CLVS1: variants seen among roughly 807,000 people sequenced by gnomAD.
The protein encoded by CLVS1 is clavesin-1.
In CLVS1, 10 loss-of-function variants were observed where a neutral mutation model predicts 33.1. The ratio of observed to expected loss-of-function variants is 0.30; its 90% CI spans 0.19 to 0.51. CLVS1 has a LOEUF of 0.51. Ranked by LOEUF, CLVS1 falls within the 20% of genes least tolerant of loss-of-function variation. The probability of loss-of-function intolerance (pLI) is 0.97; values close to 1 mark genes in which losing one functional copy is unlikely to be tolerated. For missense variants in CLVS1, 343 were observed against 433.4 expected, an observed-to-expected ratio of 0.79 and a Z score of 1.85; for synonymous variants, 163 against 166.1, an observed-to-expected ratio of 0.98 and a Z score of 0.14.
chr8:61,064,928 C>T (rs574219475), intron 1 of CLVS1, among the ~76,000 whole-genome samples: 22 of 152,352 alleles, frequency 1.4e-4, no homozygotes, highest in Admixed American at 3.3e-4. Flanking sequence ...GTCTCGAACT[C>T]CTGACCTCAG....
In CLVS1 at chr8:61,218,869, G is replaced by A. The variant is rs768287181; in HGVS notation, c.-151-80808G>A. Among the ~76,000 whole-genome samples, 129 of 152,002 alleles carry A rather than the reference G, an allele frequency of 8.5e-4. 6 individuals are homozygous for A. The highest frequency in any genetic ancestry group is 2.1e-3 in the South Asian group (10 of 4,814). ...TGAGGCAGGATAACCGCTTGAACCC[G>A]GGAGGTGGAGGCTGTAGTGAGCTGA... is the stretch of plus-strand genomic sequence containing the variant. On this transcript the variant is annotated intron_variant, in intron 2 of 2. Transcript: ENST00000522621.
At chr8:61,010,977 C>T in the CLVS1 span, among the ~76,000 whole-genome samples, 1 of 152,228 alleles carries the variant, frequency 6.6e-6, no homozygotes, top group Non-Finnish European at 1.5e-5. Context: ...ACACTTGGTT[C>T]GCACCAATTC....
At chr8:61,362,785 C>A (rs1391285826) in intron 2 of CLVS1, among the ~76,000 whole-genome samples, 2 of 152,210 alleles carry the variant, frequency 1.3e-5, no homozygotes, top group Admixed American at 6.5e-5. Context: ...CAGCCTCCAT[C>A]TTAATTCACT....
chr8:61,413,940 T>C (rs1165449114), intron 3 of CLVS1, among the ~76,000 whole-genome samples: 1 of 152,226 alleles, frequency 6.6e-6, no homozygotes, highest in East Asian at 1.9e-4. Context: ...ATTCCAGAAA[T>C]GTGATTGCTA....
chr8:61,224,542 C>A (rs1363907381), intron 2 of CLVS1, among the ~76,000 whole-genome samples: 1 of 152,194 alleles, frequency 6.6e-6, no homozygotes, highest in Admixed American at 6.5e-5. Context: ...AGATGAGTGA[C>A]TGCTCCTTCT....
intron 2 of CLVS1, among the ~76,000 whole-genome samples, chr8:61,271,404 T>C (rs1197813454): frequency 1.3e-5 from 2 of 149,948 alleles, no homozygotes; most frequent in East Asian, 2.0e-4. Context: ...TTCTGTTCTT[T>C]TATATTTGCT....
intron 2 of CLVS1, among the ~76,000 whole-genome samples, chr8:61,223,407 G>A (rs1427141524): frequency 6.6e-6 from 1 of 152,080 alleles, no homozygotes; most frequent in Non-Finnish European, 1.5e-5. Flanking sequence ...TGCTTGTCTG[G>A]AAAGGATTTT....
chr8:61,308,778 G>A (rs992097931), intron 2 of CLVS1, among the ~76,000 whole-genome samples: 1 of 152,144 alleles, frequency 6.6e-6, no homozygotes, highest in Non-Finnish European at 1.5e-5. Flanking sequence ...TCTAAGGCCT[G>A]CCGTAGTCCC....
chr8:61,115,125 A>G (rs1805694217), intron 1 of CLVS1, among the ~76,000 whole-genome samples: 1 of 152,216 alleles, frequency 6.6e-6, no homozygotes, highest in Non-Finnish European at 1.5e-5. Context: ...AAATTTTAGC[A>G]AGACAGAGCC....
chr8:61,497,424 T>C (rs1230110085), intron 5 of CLVS1, among the ~76,000 whole-genome samples: 2 of 115,838 alleles, frequency 1.7e-5, no homozygotes, highest in Admixed American at 9.8e-5. Flanking sequence ...ATCTGTGCCC[T>C]GGTGTCCAGG....
intron 2 of CLVS1, among the ~76,000 whole-genome samples, chr8:61,155,173 T>G (rs1285192847): frequency 6.6e-6 from 1 of 152,160 alleles, no homozygotes; most frequent in Non-Finnish European, 1.5e-5. Context: ...GGGTCGTGAG[T>G]GTGTTGGGTG....
intron 2 of CLVS1, among the ~76,000 whole-genome samples, chr8:61,351,925 G>T (rs533304894): frequency 8.8e-6 from 1 of 113,042 alleles, no homozygotes; most frequent in African/African-American, 3.1e-5. Context: ...ACCCTTAAAA[G>T]CCGGCAAAGA....
intron 2 of CLVS1, among the ~76,000 whole-genome samples, chr8:61,350,844 C>T (rs1396093683): frequency 6.6e-6 from 1 of 152,088 alleles, no homozygotes; most frequent in Non-Finnish European, 1.5e-5. Context: ...GCTTCTGCAC[C>T]TCTCTCTGGC....
intron 2 of CLVS1, among the ~76,000 whole-genome samples, chr8:61,315,008 T>C (rs1433936588): frequency 2.0e-5 from 3 of 152,200 alleles, no homozygotes; most frequent in African/African-American, 4.8e-5. Context: ...TTGTGCCCAA[T>C]GGACCAGCAG....
chr8:61,475,756 C>T (rs1264960619), intron 5 of CLVS1, among the ~76,000 whole-genome samples: 1 of 152,202 alleles, frequency 6.6e-6, no homozygotes, highest in Non-Finnish European at 1.5e-5. Context: ...TGCCTGTTCA[C>T]TCTGATGGTA....
intron 2 of CLVS1, among the ~76,000 whole-genome samples, chr8:61,365,667 C>A (rs1333982380): frequency 1.3e-5 from 2 of 152,028 alleles, no homozygotes; most frequent in Admixed American, 6.6e-5. Context: ...TAGCTCCATG[C>A]CTAGTGCTCA....
intron 2 of CLVS1, among the ~76,000 whole-genome samples, chr8:61,333,353 T>C (rs1469932120): frequency 1.3e-5 from 2 of 152,184 alleles, no homozygotes; most frequent in Non-Finnish European, 2.9e-5. Context: ...GTTAAATCTT[T>C]ACAGGCCACA....
intron 2 of CLVS1, among the ~76,000 whole-genome samples, chr8:61,182,262 T>C (rs1302950440): frequency 6.6e-6 from 1 of 152,120 alleles, no homozygotes. Context: ...ATTCAGGACA[T>C]GGGCATGGGC....
At chr8:61,137,611 C>T (rs970228372) in intron 2 of CLVS1, among the ~76,000 whole-genome samples, 2 of 152,148 alleles carry the variant, frequency 1.3e-5, no homozygotes, top group Non-Finnish European at 2.9e-5. Context: ...CCTCCTGAGT[C>T]GCAAGTCTTA....
Sources: allele counts gnomAD v4.1 joint callset (sites outside exome capture counted in the v4.1 genomes callset), GRCh38; gene constraint gnomAD v4.1.1; transcripts MANE v1.5; gene names NCBI Gene and HGNC (gene_info 2026-07-23, HGNC 2026-07-21).